The following MCF2L variants were observed in gnomAD, a reference collection of about 807,000 sequenced individuals.
MCF2L encodes guanine nucleotide exchange factor DBS.
A neutral mutation model predicts 153.4 loss-of-function variants in MCF2L; 97 were observed. The observed-to-expected ratio is 0.63, with a 90% CI of 0.54 to 0.75. MCF2L has a LOEUF of 0.75. Ranked by LOEUF, MCF2L falls within the 30% of genes least tolerant of loss-of-function variation. The pLI is 0.00. For synonymous variants in MCF2L, 659 were observed against 632.2 expected, an observed-to-expected ratio of 1.04 and a Z score of -0.64; for missense variants, 1,347 against 1,495.2, an observed-to-expected ratio of 0.90 and a Z score of 1.64.
intron 2 of MCF2L, among the ~76,000 whole-genome samples, chr13:113,017,158 C>T (rs563654860): frequency 1.1e-3 from 174 of 152,360 alleles, no homozygotes; most frequent in African/African-American, 4.0e-3. Flanking sequence ...CTCCTCACCA[C>T]GTCCAGCACT....
intron 2 of MCF2L, among the ~76,000 whole-genome samples, chr13:112,908,732 G>GT (rs139495654): frequency 9.4e-5 from 14 of 148,684 alleles, no homozygotes; most frequent in South Asian, 2.1e-4. Context: ...TTTTGTTTTG[G>GT]TTTTTTTTTG....
rs918292757 is a variant in MCF2L, at chr13:113,098,291, C to T, written c.*1432C>T. ...ATCAAATAGGAAGCATGCAGAGACT[C>T]GGCAGCTTTTCCTCTGATGTGTAAG... On this transcript the variant is annotated 3_prime_UTR_variant, in exon 30 of 30. Transcript: ENST00000535094. 3.3e-5 allele frequency: 5 copies of T among 152,608 alleles called. No homozygotes were observed. The highest frequency in any genetic ancestry group is 9.6e-5 in the African/African-American group (4 of 41,454). The allele number at this position is 152,608 out of a possible 1,614,324, so 9.5% of individuals were successfully genotyped here. A position where few individuals can be genotyped will look rare whatever the true frequency, so the allele number is the denominator to read the frequency against.
Position 113,081,194 on chromosome 13 carries a change from C to G in MCF2L, c.1809-19C>G. ...TCCCAGTGCTAACCTTTTTTGCTCT[C>G]CACATGACCTGCCACCAGGCACGTG... On this transcript the variant is annotated intron_variant, in intron 15 of 29. Coordinates refer to ENST00000535094, the MANE Select transcript of MCF2L (RefSeq NM_001112732.3). 1 of 1,569,056 alleles carries G rather than the reference C, an allele frequency of 6.4e-7. No individual in the cohort carries two copies. The highest frequency in any genetic ancestry group is 1.2e-5 in the South Asian group (1 of 85,088).
intron 17 of MCF2L, among the ~76,000 whole-genome samples, chr13:113,083,283 G>A (rs1171320157): frequency 1.3e-5 from 2 of 152,158 alleles, no homozygotes; most frequent in South Asian, 2.1e-4. Context: ...CATGGGAATC[G>A]CCAGTGCTTG....
intron 20 of MCF2L, among the ~76,000 whole-genome samples, chr13:113,085,602 G>T (rs2034557889): frequency 6.6e-6 from 1 of 152,100 alleles, no homozygotes. Context: ...GGTTAGGGTG[G>T]CGAGAGGAAA....
At chr13:113,019,716 T>C (rs988143260) in intron 2 of MCF2L, among the ~76,000 whole-genome samples, 2 of 152,162 alleles carry the variant, frequency 1.3e-5, no homozygotes, top group African/African-American at 2.4e-5. Flanking sequence ...GAGGTGATGT[T>C]TGGGGAGGTG....
intron 2 of MCF2L, among the ~76,000 whole-genome samples, chr13:112,922,275 G>A (rs1210244070): frequency 6.6e-6 from 1 of 152,190 alleles, no homozygotes; most frequent in Non-Finnish European, 1.5e-5. Flanking sequence ...AAAGGAAAGA[G>A]CTCTTCCCCG....
In MCF2L at chr13:112,941,069, C is replaced by T. The variant is rs1220913925; in HGVS notation, c.169+38698C>T. 1.3e-5 allele frequency among the ~76,000 whole-genome samples: 2 copies of T among 152,204 alleles called. No homozygotes were observed. Among genetic ancestry groups the T allele is most frequent in the African/African-American group, 2.4e-5 (1 of 41,450 alleles). ...CTAGCAGCCCCGCTGCATCTGGCAC[C>T]ACCATAGGGAGCATATTTTTACCAT... On this transcript the variant is annotated intron_variant, in intron 2 of 29. Transcript: ENST00000375608. The surrounding 1 kb of genome is among the most constrained non-coding windows in gnomAD (Gnocchi z 4.9).
At chr13:113,072,627 C>T (rs1439012084) in intron 9 of MCF2L, among the ~76,000 whole-genome samples, 1 of 152,170 alleles carries the variant, frequency 6.6e-6, no homozygotes, top group Non-Finnish European at 1.5e-5. Context: ...CTTTTCAAGG[C>T]AATGTGTAGG....
intron 16 of MCF2L, 90 bp downstream of exon 16, chr13:113,081,369 G>A: frequency 7.7e-7 from 1 of 1,290,786 alleles, no homozygotes; most frequent in Non-Finnish European, 1.1e-6. Context: ...GCTCGGAGCA[G>A]CCTGCTGTCC....
intron 2 of MCF2L, among the ~76,000 whole-genome samples, chr13:112,931,507 G>A (rs1055289501): frequency 5.9e-5 from 9 of 152,146 alleles, no homozygotes; most frequent in African/African-American, 1.9e-4. Flanking sequence ...GTGAACTGAC[G>A]CTTAGCTTAG....
intron 1 of MCF2L, among the ~76,000 whole-genome samples, chr13:112,972,303 G>A (rs2082063040): frequency 6.6e-6 from 1 of 151,612 alleles, no homozygotes; most frequent in Non-Finnish European, 1.5e-5. Context: ...ATGGATGTGT[G>A]GGTGGGTGGA....
rs774773724 is a variant in MCF2L at position 113,014,771 on chromosome 13, A to G, written c.88A>G (p.Met30Val). The stretch of plus-strand genomic sequence containing the variant: ...CTGCTCTTTCCGTGCAGATGAAATC[A>G]TGCACCAGGACATCGTCCCGCTCTG... ...NAVSKHTDEIMHQDIVPLCAA... is the reference protein window; with the variant it reads ...NAVSKHTDEIVHQDIVPLCAA... Residue 30 changes from methionine (M) to valine (V), a missense_variant, in exon 2 of 30, where the codon ATG becomes GTG. Around this residue, in one of 3 missense-constraint regions of MCF2L, gnomAD observed 820 missense variants for 921.2 expected, o/e 0.89. Transcript: ENST00000535094. The G allele has an allele frequency of 1.2e-6, 2 of 1,613,784 alleles. No individual in the cohort carries two copies. Among genetic ancestry groups the G allele is most frequent in the Admixed American group, 1.7e-5 (1 of 60,024 alleles).
Position 113,087,642 on chromosome 13 carries a change from C to A in MCF2L, c.2596-65C>A, listed in dbSNP as rs939778934. ...CCATCATTTCGTGCCTGCACCAACA[C>A]CTTTTAAAAACAAGGCAGTGGGTTC... is the stretch of plus-strand genomic sequence containing the variant. On this transcript the variant is annotated intron_variant, in intron 22 of 29. Transcript: ENST00000535094. 7.1e-6 allele frequency: 10 copies of A among 1,409,156 alleles called. No individual in the cohort carries two copies. The African/African-American group carries it at 1.3e-4, about 18-fold the overall frequency. 87.3% of individuals were successfully genotyped at this position (1,409,156 alleles called of 1,614,324 possible).
At chr13:113,072,839 A>G (rs1401055065) in intron 9 of MCF2L, among the ~76,000 whole-genome samples, 3 of 151,914 alleles carry the variant, frequency 2.0e-5, no homozygotes, top group African/African-American at 4.8e-5. Context: ...TCTCAGTTTC[A>G]TTGATTTCTG....
chr13:112,968,144 G>GGGC (rs1555355461), upstream of MCF2L, among the ~76,000 whole-genome samples: 3 of 146,206 alleles, frequency 2.1e-5, no homozygotes, highest in Admixed American at 6.7e-5. Flanking sequence ...GAGTGAGGTG[G>GGGC]GGGGGGGGGT....
In MCF2L at chr13:113,028,402, C is replaced by A. The variant is rs879802536; in HGVS notation, c.278+3644C>A. Among the ~76,000 whole-genome samples the A allele has an allele frequency of 2.0e-5, 3 of 152,162 alleles. No homozygotes were observed. Among genetic ancestry groups the A allele is most frequent in the Non-Finnish European group, 2.9e-5 (2 of 68,026 alleles). ...CTTCCATGGCCTCCTTGCTGCTGCCCCACTTGTCTGTCTGCTTCTCCTGAG... is the reference window on the plus strand; with the variant it reads ...CTTCCATGGCCTCCTTGCTGCTGCCACACTTGTCTGTCTGCTTCTCCTGAG... On this transcript the variant is annotated intron_variant, in intron 3 of 29. Transcript: ENST00000535094. The surrounding 1 kb of genome is among the most constrained non-coding windows in gnomAD (Gnocchi z 5.4).
chr13:113,081,109 C>A, intron 15 of MCF2L, 104 bp from the exon 16 acceptor site: 1 of 979,200 alleles, frequency 1.0e-6, no homozygotes, highest in Non-Finnish European at 1.5e-6. Flanking sequence ...TCCCCTCCTG[C>A]TGGGCAGGCC....
chr13:113,060,995 G>A (rs1487062829), intron 5 of MCF2L, among the ~76,000 whole-genome samples: 3 of 149,742 alleles, frequency 2.0e-5, no homozygotes, highest in East Asian at 2.1e-4. Context: ...CGGGTCACGC[G>A]ACATTCATAC....
Sources: gnomAD v4.1 joint callset for allele counts (sites outside exome capture counted in the v4.1 genomes callset) on GRCh38, gnomAD v4.1.1 for gene constraint, gnomAD v4.1.1 regional missense constraint, Gnocchi (gnomAD v3.1) non-coding constraint, MANE v1.5 for transcripts, NCBI Gene and HGNC (gene_info 2026-07-23, HGNC 2026-07-21) for gene names.